ENO1: variants seen among roughly 807,000 people sequenced by gnomAD.
ENO1 encodes the protein alpha-enolase.
In ENO1, 33 loss-of-function variants were observed where a neutral mutation model predicts 46.3. That is an observed-to-expected ratio of 0.71 (90% CI 0.54 to 0.95). The LOEUF (loss-of-function observed/expected upper bound fraction) is 0.95, where lower values mean the gene tolerates loss of function less well. ENO1 is among the 40% of genes least tolerant of loss of function. The probability of loss-of-function intolerance (pLI) is 0.00; values close to 1 mark genes in which losing one functional copy is unlikely to be tolerated. For synonymous variants in ENO1, 220 were observed against 216.0 expected (o/e 1.02, Z -0.16); for missense variants, 488 against 553.3 (o/e 0.88, Z 1.18).
intron 11 of ENO1, 62 bp from the exon 12 acceptor site, chr1:8,861,491 A>G: frequency 3.8e-6 from 6 of 1,575,046 alleles, no homozygotes; most frequent in Non-Finnish European, 4.4e-6. Flanking sequence ...CTCAAGTTTT[A>G]AGTTTTCCCA....
At chr1:8,877,710 C>CA (rs201203114) in intron 1 of ENO1, 117 of 150,696 alleles carry the variant, frequency 7.8e-4, no homozygotes, top group Admixed American at 2.4e-3. Flanking sequence ...ACAACAACAA[C>CA]AAAAAAAAAA....
chr1:8,873,619 C>T (rs964000709), intron 2 of ENO1, among the ~76,000 whole-genome samples: 1 of 152,208 alleles, frequency 6.6e-6, no homozygotes, highest in East Asian at 1.9e-4. Flanking sequence ...AGTGAGAAAC[C>T]CCACAGTGCT....
chr1:8,870,344 G>A lies in ENO1; in HGVS notation c.240+108C>T, dbSNP rs1642603831. The A allele has an allele frequency of 2.1e-6, 3 of 1,396,358 alleles. No individual in the cohort carries two copies. The South Asian group carries it at 3.6e-5, about 17-fold the overall frequency. The allele number at this position is 1,396,358 out of a possible 1,614,324, so 86.5% of individuals were successfully genotyped here. On this transcript the variant is annotated intron_variant, in intron 4 of 11. Transcript: ENST00000234590. Reference sequence around the variant, plus strand: ...CTCGTGCGTGACAGGGAATCCAATAGGCTTCTACAGCTCTCAGAATAAGCT... The same window carrying A: ...CTCGTGCGTGACAGGGAATCCAATAAGCTTCTACAGCTCTCAGAATAAGCT...
chr1:8,861,427 A>G lies in ENO1; in HGVS notation c.1238T>C (p.Ile413Thr), dbSNP rs201317089. The G allele has an allele frequency of 1.2e-6, 2 of 1,614,094 alleles. No homozygotes were observed. Among genetic ancestry groups the G allele is most frequent in the African/African-American group, 2.7e-5 (2 of 75,030 alleles). Reference sequence around the variant, plus strand: ...AGCCTTGCTGCCCAGCTCCTCTTCAATTCTTGGGAAGGAGAAAGGTAAAGA... The same window carrying G: ...AGCCTTGCTGCCCAGCTCCTCTTCAGTTCTTGGGAAGGAGAAAGGTAAAGA... ...RLAKYNQLLR[I>T]EEELGSKAKF... Residue 413 changes from isoleucine to threonine, a missense_variant and splice_region_variant, in exon 12 of 12, where the codon ATT (isoleucine) becomes ACT (threonine). Coordinates refer to ENST00000234590, the MANE Select transcript of ENO1 (RefSeq NM_001428.5).
In ENO1 at chr1:8,863,329, T is replaced by G; in HGVS notation, c.1082A>C (p.Gln361Pro). ...CACCATGACGCCCCAACCATTGGCC[T>G]GGGCCAGCTTGCACCTGGAAGCCAA... The part of the protein sequence containing the change: ...TESLQACKLA[Q>P]ANGWGVMVSH... Residue 361 changes from glutamine to proline, a missense_variant, in exon 10 of 12, where the codon CAG becomes CCG. By Grantham distance (76) the Gln-to-Pro change is moderately conservative. Coordinates refer to ENST00000234590, the MANE Select transcript of ENO1 (RefSeq NM_001428.5). 6.2e-7 allele frequency: 1 copy of G among 1,612,948 alleles called. No individual in the cohort carries two copies. Among genetic ancestry groups the G allele is most frequent in the Non-Finnish European group, 8.5e-7 (1 of 1,179,524 alleles).
Position 8,865,367 on chromosome 1 carries a change from G to C in ENO1, c.783C>G (p.Phe261Leu). 1 of 1,614,212 alleles carries C rather than the reference G, an allele frequency of 6.2e-7. No individual in the cohort carries two copies. The highest frequency in any genetic ancestry group is 8.5e-7 in the Non-Finnish European group (1 of 1,180,052). Residue 261 changes from phenylalanine (F) to leucine (L), a missense_variant, in exon 8 of 12, where the codon TTC (phenylalanine) becomes TTG (leucine). Transcript: ENST00000234590. Reference sequence around the variant, plus strand: ...ACCTGCTGGGGTCATCGGGAGACTTGAAGTCCAGGTCATACTTCCCAGACC... The same window carrying C: ...ACCTGCTGGGGTCATCGGGAGACTTCAAGTCCAGGTCATACTTCCCAGACC... ...FFRSGKYDLD[F>L]KSPDDPSRYI...
chr1:8,861,527 C>T (rs1642401247), intron 11 of ENO1, 98 bp from the exon 12 acceptor site: 4 of 1,244,458 alleles, frequency 3.2e-6, no homozygotes, highest in Admixed American at 3.9e-5. Context: ...AAGACACAGC[C>T]CCACTCCTGG....
chr1:8,870,489 T>G lies in ENO1; in HGVS notation c.203A>C (p.His68Pro). ...MGKGVSKAVE[H>P]INKTIAPALV... is the part of the protein sequence containing the mutation. Reference sequence around the variant, plus strand: ...GGCAGGCGCAATAGTTTTATTGATGTGCTCAACAGCCTTTGAGACACCTGG... The same window carrying G: ...GGCAGGCGCAATAGTTTTATTGATGGGCTCAACAGCCTTTGAGACACCTGG... The change falls in exon 4 of 12, where the codon CAC becomes CCC. Residue 68 changes from histidine (H) to proline (P), a missense_variant. Transcript: ENST00000234590. 1.9e-6 allele frequency: 3 copies of G among 1,614,208 alleles called. No individual in the cohort carries two copies. Among genetic ancestry groups the G allele is most frequent in the Non-Finnish European group, 2.5e-6 (3 of 1,180,026 alleles).
intron 4 of ENO1, among the ~76,000 whole-genome samples, chr1:8,868,367 G>A (rs972465993): frequency 6.6e-6 from 1 of 152,146 alleles, no homozygotes. Context: ...CAAGAGAACT[G>A]TCAGGTATGT....
At chr1:8,866,185 A>C in intron 7 of ENO1, 94 bp downstream of exon 7, 4 of 1,089,646 alleles carry the variant, frequency 3.7e-6, no homozygotes, top group Non-Finnish European at 4.1e-6. Context: ...GGTGGAAAGA[A>C]TAGATTTCCA....
At chr1:8,869,243 G>A (rs1642582598) in intron 4 of ENO1, among the ~76,000 whole-genome samples, 1 of 152,036 alleles carries the variant, frequency 6.6e-6, no homozygotes, top group South Asian at 2.1e-4. Flanking sequence ...AAAAGTCAGG[G>A]GATCCTGCTC....
At chr1:8,870,204 G>C in intron 4 of ENO1, 2 of 528,222 alleles carry the variant, frequency 3.8e-6, no homozygotes, top group Non-Finnish European at 6.8e-6. Flanking sequence ...GAGAGTTGCA[G>C]GGGGGAAGAA....
rs7533721 is a variant in ENO1 at position 8,866,595 on chromosome 1, C to A, written c.445-94G>T. On this transcript the variant is annotated intron_variant, in intron 6 of 11. Transcript: ENST00000234590. ...GGTCCTACCATCCCAATCTAGCTCA[C>A]AGATGAGCCCAAGACTTGCTTCTTG... The A allele has an allele frequency of 4.3e-3, 5,765 of 1,336,828 alleles. 191 individuals are homozygous for A. The African/African-American group carries it at 0.067, about 16-fold the overall frequency. The allele number at this position is 1,336,828 out of a possible 1,614,324, so 82.8% of individuals were successfully genotyped here. A position where few individuals can be genotyped will look rare whatever the true frequency, so the allele number is the denominator to read the frequency against.
intron 1 of ENO1, chr1:8,875,917 A>T (rs2124109008): frequency 6.6e-6 from 1 of 152,300 alleles, no homozygotes; most frequent in South Asian, 2.1e-4. Flanking sequence ...CACCAGGACC[A>T]GCCAATAATG....
At chr1:8,878,363 G>C (rs1186104022) in intron 1 of ENO1, 1 of 306,988 alleles carries the variant, frequency 3.3e-6, no homozygotes, top group Non-Finnish European at 6.3e-6. Context: ...CAAAGAAATC[G>C]GGGGCCCAGC....
chr1:8,866,660 C>T (rs1476721068), intron 6 of ENO1, 159 bp from the exon 7 acceptor site: 1 of 706,194 alleles, frequency 1.4e-6, no homozygotes, highest in African/African-American at 1.8e-5. Context: ...AAATGCTCAC[C>T]AGGTCTCTGA....
At position 8,874,824 on chromosome 1, in the gene ENO1, CT is replaced by C; in HGVS notation, c.84del (p.Gly29ValfsTer19). Reference sequence around the variant, plus strand: ...TGGAAACCAAGGAGGTGGCACATACCTTTTGAGGTGAAGAGATCAACCTCAA... The same window carrying C: ...TGGAAACCAAGGAGGTGGCACATACCTTTGAGGTGAAGAGATCAACCTCAA... Reference protein sequence around the residue: ...PTVEVDLFTSKGLFRAAVPSG... With the variant: ...PTVEVDLFTSXGLFRAAVPSG... On this transcript the variant is annotated frameshift_variant and splice_region_variant, in exon 2 of 12. Coordinates refer to ENST00000234590, the MANE Select transcript of ENO1 (RefSeq NM_001428.5). LOFTEE classifies it high-confidence loss of function. The C allele has an allele frequency of 6.2e-7, 1 of 1,612,664 alleles. No homozygotes were observed. The highest frequency in any genetic ancestry group is 1.1e-5 in the South Asian group (1 of 90,966).
intron 2 of ENO1, among the ~76,000 whole-genome samples, chr1:8,874,191 A>T (rs1217834168): frequency 6.6e-6 from 1 of 152,148 alleles, no homozygotes; most frequent in African/African-American, 2.4e-5. Flanking sequence ...ACAACTAGTG[A>T]TGGGCCCCTT....
intron 4 of ENO1, among the ~76,000 whole-genome samples, chr1:8,868,839 A>G (rs953060399): frequency 1.4e-5 from 2 of 138,518 alleles, no homozygotes; most frequent in African/African-American, 5.0e-5. Context: ...ATGCCTGGCT[A>G]ATTTTTATAT....
Sources: gnomAD v4.1 joint callset for allele counts (sites outside exome capture counted in the v4.1 genomes callset) on GRCh38, gnomAD v4.1.1 for gene constraint, MANE v1.5 for transcripts, NCBI Gene and HGNC (gene_info 2026-07-23, HGNC 2026-07-21) for gene names.